Variants in NLK observed in about 807,000 individuals in gnomAD.
NLK encodes nemo like kinase.
NLK carries 11 observed loss-of-function variants against 59.0 expected under a neutral mutation model. That is an observed-to-expected ratio of 0.19 (90% CI 0.12 to 0.31). The LOEUF (loss-of-function observed/expected upper bound fraction) is 0.31, where lower values mean the gene tolerates loss of function less well. Among genes scored for constraint, NLK ranks in the 10% least tolerant of loss-of-function variants. The pLI is 1.00. For missense variants in NLK, 410 were observed against 661.1 expected, an observed-to-expected ratio of 0.62 and a Z score of 4.16; for synonymous variants, 235 against 235.9, an observed-to-expected ratio of 1.00 and a Z score of 0.03.
intron 7 of NLK, among the ~76,000 whole-genome samples, chr17:28,177,759 T>C (rs1235379258): frequency 1.3e-5 from 2 of 152,228 alleles, no homozygotes; most frequent in African/African-American, 4.8e-5. Context: ...TATAGTGGTT[T>C]AAGAAATAAG....
chr17:28,152,611 C>T (rs1907525713), intron 3 of NLK, among the ~76,000 whole-genome samples: 1 of 152,060 alleles, frequency 6.6e-6, no homozygotes, highest in African/African-American at 2.4e-5. Flanking sequence ...ACATCCCATA[C>T]ACATAAATGC....
chr17:28,131,402 T>G (rs920828082), intron 2 of NLK, among the ~76,000 whole-genome samples: 3 of 151,924 alleles, frequency 2.0e-5, no homozygotes, highest in Non-Finnish European at 4.4e-5. Flanking sequence ...AACCTTTTTT[T>G]CATTAGAGAT....
At chr17:28,151,730 A>G (rs944261495) in intron 3 of NLK, among the ~76,000 whole-genome samples, 1 of 152,184 alleles carries the variant, frequency 6.6e-6, no homozygotes, top group Admixed American at 6.5e-5. Context: ...CATCTTCTCA[A>G]GAAGCAGAGA....
chr17:28,106,761 A>G (rs375890784), intron 1 of NLK, among the ~76,000 whole-genome samples: 151 of 152,336 alleles, frequency 9.9e-4, no homozygotes, highest in African/African-American at 3.5e-3. Flanking sequence ...AAAGAGAAAC[A>G]TACTACAATA....
intron 5 of NLK, among the ~76,000 whole-genome samples, chr17:28,167,645 T>C (rs1457275236): frequency 3.4e-5 from 5 of 146,648 alleles, no homozygotes; most frequent in Non-Finnish European, 7.5e-5. Flanking sequence ...AACCCAGGAG[T>C]TCAAGACCAG....
At chr17:28,090,179 A>G (rs1179454912) in intron 1 of NLK, among the ~76,000 whole-genome samples, 3 of 152,208 alleles carry the variant, frequency 2.0e-5, no homozygotes, top group African/African-American at 4.8e-5. Flanking sequence ...CTATCACAGT[A>G]TACCTTCAAT....
chr17:28,167,845 A>G (rs1908303331), intron 5 of NLK, among the ~76,000 whole-genome samples: 1 of 151,926 alleles, frequency 6.6e-6, no homozygotes, highest in African/African-American at 2.4e-5. Context: ...AAAATAAATA[A>G]AGTCGTTTAC....
chr17:28,120,373 G>A (rs1400324569), intron 1 of NLK, among the ~76,000 whole-genome samples: 1 of 151,940 alleles, frequency 6.6e-6, no homozygotes, highest in East Asian at 1.9e-4. Flanking sequence ...CTCCCAAAGT[G>A]CTGGGTTTAA....
intron 1 of NLK, among the ~76,000 whole-genome samples, chr17:28,070,552 C>T (rs1327397764): frequency 6.6e-6 from 1 of 151,512 alleles, no homozygotes; most frequent in Non-Finnish European, 1.5e-5. Flanking sequence ...CGGGTTTCAC[C>T]ATGTTGGCCA....
chr17:28,100,997 A>G (rs1904883006), intron 1 of NLK, among the ~76,000 whole-genome samples: 1 of 152,150 alleles, frequency 6.6e-6, no homozygotes, highest in Non-Finnish European at 1.5e-5. Flanking sequence ...ATTTTTCTCC[A>G]TGTGGATATC....
chr17:28,127,890 C>T (rs988057571), intron 2 of NLK, among the ~76,000 whole-genome samples: 2 of 151,972 alleles, frequency 1.3e-5, no homozygotes, highest in African/African-American at 4.8e-5. Flanking sequence ...GTATAAAGCA[C>T]AAGATATGGA....
intron 7 of NLK, among the ~76,000 whole-genome samples, chr17:28,183,635 T>G (rs988041066): frequency 6.6e-6 from 1 of 152,160 alleles, no homozygotes; most frequent in Admixed American, 6.6e-5. Flanking sequence ...AGCCTTAGCC[T>G]GTGACTTTAT....
At chr17:28,073,927 A>C (rs1010992748) in intron 1 of NLK, among the ~76,000 whole-genome samples, 1 of 152,164 alleles carries the variant, frequency 6.6e-6, no homozygotes, top group Admixed American at 6.5e-5. Context: ...GCATTCACTA[A>C]AGTTTGTTGA....
At chr17:28,093,079 C>T (rs1024089612) in intron 1 of NLK, among the ~76,000 whole-genome samples, 1 of 152,064 alleles carries the variant, frequency 6.6e-6, no homozygotes. Context: ...AGGCGTGAAC[C>T]ACCGCACCCG....
intron 4 of NLK, among the ~76,000 whole-genome samples, chr17:28,162,050 C>T (rs981093417): frequency 6.6e-6 from 1 of 152,088 alleles, no homozygotes; most frequent in African/African-American, 2.4e-5. Flanking sequence ...GAGTCTTGCT[C>T]TGTCGCCTAG....
chr17:28,061,810 CAT>C (rs1190555221), intron 1 of NLK, among the ~76,000 whole-genome samples: 1 of 142,252 alleles, frequency 7.0e-6, no homozygotes, highest in East Asian at 2.0e-4. Context: ...TATACATATA[CAT>C]ATATAATATA....
chr17:28,043,452 T>A, intron 1 of NLK, 121 bp downstream of exon 1: 1 of 847,844 alleles, frequency 1.2e-6, no homozygotes, highest in Admixed American at 2.9e-5. Flanking sequence ...TCAACCCAAC[T>A]GTAGGAAGCC....
In NLK at chr17:28,163,853, T is replaced by C. The variant is rs1908112789; in HGVS notation, c.837+225T>C. On this transcript the variant is annotated intron_variant, in intron 5 of 10. Coordinates refer to ENST00000407008, the MANE Select transcript of NLK (RefSeq NM_016231.5). ...TGTTTTAGAAACACTGAAATTGGAA[T>C]TGTAGTGTAACTAGAAAGAAGAATA... 2.0e-5 allele frequency among the ~76,000 whole-genome samples: 3 copies of C among 152,236 alleles called. No homozygotes were observed. In the South Asian group the frequency reaches 6.2e-4, roughly 31 times the overall value.
intron 1 of NLK, among the ~76,000 whole-genome samples, chr17:28,073,648 C>T (rs1910079458): frequency 6.6e-6 from 1 of 152,112 alleles, no homozygotes. Flanking sequence ...CATAATCGGT[C>T]CTGTCTCCCA....
Sources: allele counts gnomAD v4.1 joint callset (sites outside exome capture counted in the v4.1 genomes callset), GRCh38; gene constraint gnomAD v4.1.1; transcripts MANE v1.5; gene names NCBI Gene and HGNC (gene_info 2026-07-23, HGNC 2026-07-21).